Variants in SPTAN1 observed in about 807,000 individuals in gnomAD.
The protein encoded by SPTAN1 is spectrin alpha chain, non-erythrocytic 1.
SPTAN1 carries 61 observed loss-of-function variants against 331.3 expected under a neutral mutation model. The ratio of observed to expected loss-of-function variants is 0.18; its 90% confidence interval spans 0.15 to 0.23. SPTAN1 has a LOEUF of 0.23. SPTAN1 is among the 10% of genes least tolerant of loss of function. The probability of loss-of-function intolerance (pLI) is 1.00; values close to 1 mark genes in which losing one functional copy is unlikely to be tolerated. For missense variants in SPTAN1, 2,043 were observed against 3,147.9 expected, an observed-to-expected ratio of 0.65 and a Z score of 8.40; for synonymous variants, 1,153 against 1,173.9, an observed-to-expected ratio of 0.98 and a Z score of 0.36.
chr9:128,581,146 G>A (rs1219081801), intron 11 of SPTAN1, 87 bp downstream of exon 11: 2 of 1,567,976 alleles, frequency 1.3e-6, no homozygotes, highest in Non-Finnish European at 1.7e-6. Context: ...TTTGTTTTAG[G>A]ACATCAGTAC....
intron 54 of SPTAN1, 42 bp downstream of exon 54, chr9:128,632,526 C>A (rs757363973): frequency 7.4e-6 from 12 of 1,614,048 alleles, no homozygotes; most frequent in South Asian, 2.2e-5. Flanking sequence ...GGGGGGTGTT[C>A]GGCAGCAGGG....
At position 128,566,864 on chromosome 9, in the gene SPTAN1, G is replaced by T. The variant is rs761778002; in HGVS notation, c.124G>T (p.Asp42Tyr). 7 of 1,614,206 alleles carry T rather than the reference G, an allele frequency of 4.3e-6. No individual in the cohort carries two copies. Among genetic ancestry groups the T allele is most frequent in the Non-Finnish European group, 5.9e-6 (7 of 1,180,034 alleles). Residue 42 changes from aspartate (D) to tyrosine (Y), a missense_variant, in exon 2 of 57, where the codon GAT becomes TAT. Around this residue, in one of 12 missense-constraint regions of SPTAN1, gnomAD observed 1,038 missense variants for 1,531.5 expected, o/e 0.68. Transcript: ENST00000372739. ...LSTLRRQKLE[D>Y]SYRFQFFQRD... ...AACCCTTAGGCGTCAGAAGCTGGAA[G>T]ATTCCTATCGATTCCAGTTCTTTCA...
intron 51 of SPTAN1, chr9:128,628,789 C>T (rs554198533): frequency 8.6e-6 from 2 of 231,678 alleles, no homozygotes; most frequent in East Asian, 8.3e-5. Flanking sequence ...CAGCTGGGGA[C>T]GTAGGGATCG....
chr9:128,604,099 G>C (rs545437421), intron 28 of SPTAN1, among the ~76,000 whole-genome samples: 34 of 152,372 alleles, frequency 2.2e-4, no homozygotes, highest in Middle Eastern at 3.4e-3. Context: ...GCCTCAGAGA[G>C]GATGCCTAGG....
Position 128,582,821 on chromosome 9 carries a change from T to C in SPTAN1, c.1778T>C (p.Met593Thr), listed in dbSNP as rs1382899008. 1.9e-6 allele frequency: 3 copies of C among 1,613,562 alleles called. No homozygotes were observed. The highest frequency in any genetic ancestry group is 2.5e-6 in the Non-Finnish European group (3 of 1,180,034). The stretch of plus-strand genomic sequence containing the variant: ...CTCAAGAGTTGGGTCAATGAGAAGA[T>C]GAAAACTGCCACAGATGAAGCTTAT... ...DELKSWVNEK[M>T]KTATDEAYKD... Residue 593 changes from methionine to threonine, a missense_variant, in exon 14 of 57, where the codon ATG (methionine) becomes ACG (threonine). This residue lies in a region of SPTAN1 where 1,038 missense variants were observed against 1,531.5 expected (regional missense o/e 0.68). Coordinates refer to ENST00000372739, the MANE Select transcript of SPTAN1 (RefSeq NM_001130438.3).
At chr9:128,585,697 G>C (rs566366732) in intron 18 of SPTAN1, 51 bp from the exon 19 acceptor site, 1 of 1,463,464 alleles carries the variant, frequency 6.8e-7, no homozygotes, top group African/African-American at 1.4e-5. Context: ...TTGTCCTTCT[G>C]TGATGTGTCA....
chr9:128,627,554 T>C lies in SPTAN1; in HGVS notation c.6689+56T>C. 6.8e-7 allele frequency: 1 copy of C among 1,473,612 alleles called. No individual in the cohort carries two copies. Among genetic ancestry groups the C allele is most frequent in the Non-Finnish European group, 9.3e-7 (1 of 1,076,660 alleles). 91.3% of individuals were successfully genotyped at this position (1,473,612 alleles called of 1,614,324 possible). A position where few individuals can be genotyped will look rare whatever the true frequency, so the allele number is the denominator to read the frequency against. ...GCATGTCCCTGCTGTACTTAAGCCC[T>C]GGGGAGCTTCCAGCCCCAAGGAGGT... On this transcript the variant is annotated intron_variant, in intron 50 of 56. Coordinates refer to ENST00000372739, the MANE Select transcript of SPTAN1 (RefSeq NM_001130438.3). The surrounding 1 kb of genome is among the most constrained non-coding windows in gnomAD (Gnocchi z 4.9).
At chr9:128,616,363 G>C (rs1414050795) in intron 41 of SPTAN1, among the ~76,000 whole-genome samples, 1 of 151,648 alleles carries the variant, frequency 6.6e-6, no homozygotes, top group Admixed American at 6.6e-5. Flanking sequence ...GACCTCAAGT[G>C]ATCCACCCAC....
At position 128,582,777 on chromosome 9, in the gene SPTAN1, T is replaced by C; in HGVS notation, c.1734T>C (p.Phe578=). ...CCGATTCTTTCCATCTGCAGCAGTT[T>C]TTCCGTGATTCTGATGAGCTCAAGA... is the stretch of plus-strand genomic sequence containing the variant. ...QLADSFHLQQ[F]FRDSDELKSW... The change falls in exon 14 of 57, where the codon TTT becomes TTC. Residue 578 remains phenylalanine (F), a synonymous_variant. Coordinates refer to ENST00000372739, the MANE Select transcript of SPTAN1 (RefSeq NM_001130438.3). The C allele has an allele frequency of 6.2e-7, 1 of 1,614,092 alleles. No individual in the cohort carries two copies. Among genetic ancestry groups the C allele is most frequent in the Middle Eastern group, 1.7e-4 (1 of 5,996 alleles).
intron 31 of SPTAN1, among the ~76,000 whole-genome samples, chr9:128,606,842 A>T (rs1396792620): frequency 6.6e-6 from 1 of 152,130 alleles, no homozygotes; most frequent in Non-Finnish European, 1.5e-5. Context: ...TAACTACTTT[A>T]AAATGTGCAA....
intron 24 of SPTAN1, among the ~76,000 whole-genome samples, 173 bp from the exon 25 acceptor site, chr9:128,598,227 C>T (rs921589700): frequency 1.3e-5 from 2 of 151,974 alleles, no homozygotes; most frequent in Non-Finnish European, 2.9e-5. Flanking sequence ...GGATTACAGG[C>T]GTGAGCCACC....
intron 44 of SPTAN1, 46 bp from the exon 45 acceptor site, chr9:128,621,112 C>T (rs760898575): frequency 6.4e-7 from 1 of 1,569,970 alleles, no homozygotes; most frequent in African/African-American, 1.4e-5. Context: ...TAGCCCACAA[C>T]ACATAGCAGG....
intron 21 of SPTAN1, 53 bp from the exon 22 acceptor site, chr9:128,591,424 T>G: frequency 6.2e-7 from 1 of 1,612,164 alleles, no homozygotes; most frequent in Non-Finnish European, 8.5e-7. Flanking sequence ...CCTCCTTGGA[T>G]TCTCCCTCTC....
chr9:128,621,392 T>G (rs766802455), intron 45 of SPTAN1, 136 bp downstream of exon 45: 125 of 735,526 alleles, frequency 1.7e-4, no homozygotes, highest in Middle Eastern at 1.1e-3. Flanking sequence ...AGCAATTCCA[T>G]TCCTGTGTTT....
intron 1 of SPTAN1, among the ~76,000 whole-genome samples, chr9:128,565,208 C>T (rs190447429): frequency 1.3e-5 from 2 of 152,280 alleles, no homozygotes; most frequent in East Asian, 3.9e-4. Flanking sequence ...GAGGCTGAGG[C>T]AGGAGAATCA....
chr9:128,614,947 T>G (rs889470978), intron 40 of SPTAN1, among the ~76,000 whole-genome samples: 4 of 152,232 alleles, frequency 2.6e-5, no homozygotes, highest in Non-Finnish European at 5.9e-5. Context: ...CACTGAGTTA[T>G]GCCTGTTCTA....
intron 1 of SPTAN1, among the ~76,000 whole-genome samples, chr9:128,560,935 G>C (rs1372868837): frequency 1.4e-5 from 2 of 140,762 alleles, no homozygotes; most frequent in Admixed American, 1.6e-4. Flanking sequence ...AGAGTCACTT[G>C]AACCTGGGAG....
At chr9:128,564,122 A>G (rs755376100) in intron 1 of SPTAN1, among the ~76,000 whole-genome samples, 4 of 152,134 alleles carry the variant, frequency 2.6e-5, no homozygotes, top group Admixed American at 1.3e-4. Context: ...AAAAAAATTT[A>G]AAAATTAGCC....
chr9:128,624,428 A>T lies in SPTAN1; in HGVS notation c.5933A>T (p.Asp1978Val). Residue 1978 changes from aspartate to valine, a missense_variant, in exon 46 of 57, where the codon GAT (aspartate) becomes GTT (valine). Transcript: ENST00000372739. ...KAAAQRKAKL[D>V]ENSAFLQFNW... Reference sequence around the variant, plus strand: ...GCAGCCCAGAGAAAGGCGAAGCTGGATGAGAACTCGGCCTTCCTTCAGTTC... The same window carrying T: ...GCAGCCCAGAGAAAGGCGAAGCTGGTTGAGAACTCGGCCTTCCTTCAGTTC... The T allele has an allele frequency of 3.1e-6, 5 of 1,613,994 alleles. No individual in the cohort carries two copies. The highest frequency in any genetic ancestry group is 4.2e-6 in the Non-Finnish European group (5 of 1,180,028).
Sources: gnomAD v4.1 joint callset for allele counts (sites outside exome capture counted in the v4.1 genomes callset) on GRCh38, gnomAD v4.1.1 for gene constraint, gnomAD v4.1.1 regional missense constraint, Gnocchi (gnomAD v3.1) non-coding constraint, MANE v1.5 for transcripts, NCBI Gene and HGNC (gene_info 2026-07-23, HGNC 2026-07-21) for gene names.